The following FRMD6 variants were observed in gnomAD, a reference collection of about 807,000 sequenced individuals.
FRMD6 encodes FERM domain containing 6.
A neutral mutation model predicts 73.2 loss-of-function variants in FRMD6; 37 were observed. The ratio of observed to expected loss-of-function variants is 0.51; its 90% confidence interval spans 0.39 to 0.66. FRMD6 has a LOEUF of 0.66. Ranked by LOEUF, FRMD6 falls within the 30% of genes least tolerant of loss-of-function variation. FRMD6 has a pLI of 0.00. For synonymous variants in FRMD6, 273 were observed against 282.2 expected (o/e 0.97, Z 0.33); for missense variants, 714 against 780.5 (o/e 0.91, Z 1.02).
the FRMD6 span, among the ~76,000 whole-genome samples, chr14:51,412,275 T>A: frequency 6.6e-6 from 1 of 152,220 alleles, no homozygotes; most frequent in African/African-American, 2.4e-5. Context: ...TGTCTCTTGG[T>A]GAAAGTATAG....
chr14:51,409,975 A>T, the FRMD6 span, among the ~76,000 whole-genome samples: 1 of 152,200 alleles, frequency 6.6e-6, no homozygotes, highest in South Asian at 2.1e-4. Context: ...CACAGGTCAT[A>T]TCTCAAACTT....
In FRMD6 at chr14:51,700,898, A is replaced by G. The variant is rs1896267313; in HGVS notation, c.191-158A>G. 3.9e-5 allele frequency among the ~76,000 whole-genome samples: 6 copies of G among 152,066 alleles called. 2 individuals carry two copies. In the Middle Eastern group the frequency reaches 0.02, roughly 517 times the overall value. On this transcript the variant is annotated intron_variant, in intron 3 of 13. Coordinates refer to ENST00000344768, the MANE Select transcript of FRMD6 (RefSeq NM_001267046.2). Reference sequence around the variant, plus strand: ...ATCTCATTAATGTCTAGTTCACAGAACCTTTTGTCTTCTAGTATCTCTTTG... The same window carrying G: ...ATCTCATTAATGTCTAGTTCACAGAGCCTTTTGTCTTCTAGTATCTCTTTG...
chr14:51,691,024 C>G (rs1414611922), intron 2 of FRMD6, among the ~76,000 whole-genome samples: 1 of 152,158 alleles, frequency 6.6e-6, no homozygotes. Flanking sequence ...CCCTCCTAGT[C>G]AATATCCTTC....
chr14:51,585,554 G>A (rs1211223841), intron 2 of FRMD6, among the ~76,000 whole-genome samples: 1 of 152,062 alleles, frequency 6.6e-6, no homozygotes, highest in Non-Finnish European at 1.5e-5. Context: ...TTCAAATCCA[G>A]GTTTCACATT....
intron 1 of FRMD6, among the ~76,000 whole-genome samples, chr14:51,680,577 T>C (rs1894724323): frequency 6.6e-6 from 1 of 152,196 alleles, no homozygotes; most frequent in African/African-American, 2.4e-5. Flanking sequence ...GGTTTATGCT[T>C]ATTCATTGAC....
At position 51,715,478 on chromosome 14, in the gene FRMD6, C is replaced by A; in HGVS notation, c.1003C>A (p.Arg335=). 1 of 1,609,606 alleles carries A rather than the reference C, an allele frequency of 6.2e-7. No homozygotes were observed. The change falls in exon 10 of 14, where the codon CGG becomes AGG. Residue 335 remains arginine (R), a synonymous_variant. Transcript: ENST00000344768. ...MNLQPVLRHI[R]KLEENEEKKQ... is the part of the protein sequence containing the mutation. ...TCTGCAGCCTGTCCTGCGCCATATCCGGAAGCTGGAGGAAAACGAAGGTAT... is the reference window on the plus strand; with the variant it reads ...TCTGCAGCCTGTCCTGCGCCATATCAGGAAGCTGGAGGAAAACGAAGGTAT...
intron 1 of FRMD6, among the ~76,000 whole-genome samples, chr14:51,552,973 C>T (rs1886925804): frequency 6.6e-6 from 1 of 152,138 alleles, no homozygotes; most frequent in Admixed American, 6.5e-5. Flanking sequence ...GGCAGTCTGC[C>T]AGGTGATTCC....
At chr14:51,658,960 T>G (rs1893025422) in intron 1 of FRMD6, among the ~76,000 whole-genome samples, 2 of 152,314 alleles carry the variant, frequency 1.3e-5, no homozygotes, top group South Asian at 4.1e-4. Flanking sequence ...CAGCAAAAAT[T>G]TAGCATATGT....
At chr14:51,504,122 G>C (rs1883797107) in intron 1 of FRMD6, among the ~76,000 whole-genome samples, 1 of 152,106 alleles carries the variant, frequency 6.6e-6, no homozygotes, top group Non-Finnish European at 1.5e-5. Context: ...TTCTTTATTA[G>C]TCTAGCTAGG....
At chr14:51,630,574 T>G (rs1377284994) in intron 2 of FRMD6, among the ~76,000 whole-genome samples, 1 of 152,088 alleles carries the variant, frequency 6.6e-6, no homozygotes, top group African/African-American at 2.4e-5. Flanking sequence ...AAAAAGACCC[T>G]GTCTCCACAA....
the FRMD6 span, among the ~76,000 whole-genome samples, chr14:51,408,309 G>A: frequency 2.6e-5 from 4 of 151,720 alleles, no homozygotes; most frequent in East Asian, 1.9e-4. Context: ...ACAGACATGC[G>A]CCACCACACC....
At chr14:51,452,388 G>A in the FRMD6 span, among the ~76,000 whole-genome samples, 2 of 152,210 alleles carry the variant, frequency 1.3e-5, no homozygotes, top group African/African-American at 4.8e-5. Context: ...TCAGTCCTGG[G>A]AAAATGGGAA....
At chr14:51,441,933 A>G in the FRMD6 span, among the ~76,000 whole-genome samples, 2 of 152,212 alleles carry the variant, frequency 1.3e-5, no homozygotes, top group Admixed American at 1.3e-4. Flanking sequence ...GTTAACCGAG[A>G]TGAATACAAA....
intron 1 of FRMD6, among the ~76,000 whole-genome samples, chr14:51,552,535 C>T (rs765946458): frequency 4.6e-5 from 7 of 152,156 alleles, no homozygotes; most frequent in East Asian, 1.9e-4. Context: ...AACTGGAGTG[C>T]GATGCATGAC....
intron 2 of FRMD6, among the ~76,000 whole-genome samples, chr14:51,622,816 A>C (rs1023560790): frequency 2.0e-5 from 3 of 152,294 alleles, no homozygotes; most frequent in African/African-American, 2.4e-5. Context: ...CCCAGGCTAG[A>C]GTGCAGTGGC....
chr14:51,561,023 C>T (rs1887451537), intron 1 of FRMD6, among the ~76,000 whole-genome samples: 1 of 152,228 alleles, frequency 6.6e-6, no homozygotes, highest in Non-Finnish European at 1.5e-5. Flanking sequence ...AGCCCCTCTT[C>T]CTGCTGTCAG....
chr14:51,596,207 T>C (rs1306090187), intron 2 of FRMD6, among the ~76,000 whole-genome samples: 5 of 152,062 alleles, frequency 3.3e-5, no homozygotes, highest in Non-Finnish European at 7.4e-5. Context: ...GAATGAACTA[T>C]GCAGTTTTTT....
intron 1 of FRMD6, among the ~76,000 whole-genome samples, chr14:51,563,230 T>G (rs764792425): frequency 6.6e-6 from 1 of 150,518 alleles, no homozygotes; most frequent in Non-Finnish European, 1.5e-5. Context: ...AGTAAAAGAA[T>G]TATCGCTTAC....
At chr14:51,527,461 G>A (rs188050718) in intron 1 of FRMD6, among the ~76,000 whole-genome samples, 5 of 152,278 alleles carry the variant, frequency 3.3e-5, no homozygotes, top group Admixed American at 6.5e-5. Context: ...TCAAGAGATA[G>A]CCTTATATAA....
Sources: gnomAD v4.1 joint callset for allele counts (sites outside exome capture counted in the v4.1 genomes callset) on GRCh38, gnomAD v4.1.1 for gene constraint, MANE v1.5 for transcripts, NCBI Gene and HGNC (gene_info 2026-07-23, HGNC 2026-07-21) for gene names.